The following NTRK3 variants were observed in gnomAD, a reference collection of about 807,000 sequenced individuals.
The protein encoded by NTRK3 is neurotrophic receptor tyrosine kinase 3.
Under a neutral mutation model 91.7 loss-of-function variants are expected in NTRK3, and 24 were observed. That is an observed-to-expected ratio of 0.26 (90% CI 0.19 to 0.37). The LOEUF is 0.37. Ranked by LOEUF, NTRK3 falls within the 10% of genes least tolerant of loss-of-function variation. NTRK3 has a pLI of 1.00. For synonymous variants in NTRK3, 483 were observed against 404.0 expected (o/e 1.20, Z -2.34); for missense variants, 880 against 1,068.9 (o/e 0.82, Z 2.46).
chr15:87,889,084 G>C (rs77771131), intron 17 of NTRK3, among the ~76,000 whole-genome samples: 1 of 152,154 alleles, frequency 6.6e-6, no homozygotes, highest in Non-Finnish European at 1.5e-5. Flanking sequence ...ATGTGGCAGA[G>C]AGGGGACATG....
chr15:88,217,141 C>T (rs1455485816), intron 3 of NTRK3, among the ~76,000 whole-genome samples: 4 of 152,180 alleles, frequency 2.6e-5, no homozygotes, highest in African/African-American at 7.2e-5. Flanking sequence ...GATGTGGAGA[C>T]ATTAGGCTGC....
rs4034771 is a variant in NTRK3, at chr15:88,243,536, G to GCA, written c.248+12368_248+12369dup. 0.088 allele frequency among the ~76,000 whole-genome samples: 12,872 copies of GCA among 145,540 alleles called. 642 individuals are homozygous for GCA. The highest frequency in any genetic ancestry group is 0.13 in the South Asian group (573 of 4,524). On this transcript the variant is annotated intron_variant, in intron 3 of 18. Transcript: ENST00000394480. This position sits in a 1 kb window ranked among gnomAD's most constrained non-coding sequence, Gnocchi z 4.8. ...CACTTGATCCCATCCCCCATAGCATGCACACACACACACACACACACACAC... is the reference window on the plus strand; with the variant it reads ...CACTTGATCCCATCCCCCATAGCATGCACACACACACACACACACACACACAC...
chr15:87,900,009 C>G (rs1178076246), intron 17 of NTRK3, among the ~76,000 whole-genome samples: 2 of 152,138 alleles, frequency 1.3e-5, no homozygotes, highest in African/African-American at 4.8e-5. Context: ...CCCTTTAATT[C>G]TAAAGGAAGG....
intron 14 of NTRK3, among the ~76,000 whole-genome samples, chr15:87,972,005 T>C (rs942354601): frequency 4.6e-5 from 7 of 152,136 alleles, no homozygotes; most frequent in African/African-American, 1.4e-4. Context: ...AAGTAAGTGG[T>C]CTATCAGAAC....
intron 3 of NTRK3, among the ~76,000 whole-genome samples, chr15:88,184,612 T>C (rs1349812820): frequency 6.6e-6 from 1 of 152,256 alleles, no homozygotes; most frequent in African/African-American, 2.4e-5. Context: ...CCTGCTTGTC[T>C]TCCTAACTCA....
intron 6 of NTRK3, 81 bp from the exon 7 acceptor site, chr15:88,137,642 G>A (rs2042002877): frequency 6.9e-6 from 10 of 1,446,384 alleles, no homozygotes; most frequent in Admixed American, 1.9e-5. Context: ...GGACAAGGGG[G>A]ACCCGACCTG....
At chr15:87,917,340 T>C (rs1019744202) in intron 17 of NTRK3, among the ~76,000 whole-genome samples, 1 of 152,228 alleles carries the variant, frequency 6.6e-6, no homozygotes, top group Non-Finnish European at 1.5e-5. Context: ...TCCCAGAAGA[T>C]GCACTGGAAT....
In NTRK3 at chr15:88,255,706, C is replaced by T. The variant is rs1420264186; in HGVS notation, c.248+200G>A. ...GAGGCACACACACGCATAGCCGGAT[C>T]GCGCCTCGCCAGGGCCGGAGTCACC... On this transcript the variant is annotated intron_variant, in intron 3 of 18. Transcript: ENST00000394480. This position sits in a 1 kb window ranked among gnomAD's most constrained non-coding sequence, Gnocchi z 4.3. Among the ~76,000 whole-genome samples the T allele has an allele frequency of 1.3e-5, 2 of 152,170 alleles. No homozygotes were observed. The highest frequency in any genetic ancestry group is 2.1e-4 in the South Asian group (1 of 4,836).
exon 19 of NTRK3, chr15:87,869,795 G>C (rs1296520640): frequency 5.0e-6 from 1 of 201,668 alleles, no homozygotes; most frequent in African/African-American, 2.3e-5. Context: ...TTACATGCCA[G>C]GTAGCTATTA....
chr15:87,963,232 C>A (rs1449452275), intron 14 of NTRK3, among the ~76,000 whole-genome samples: 1 of 152,216 alleles, frequency 6.6e-6, no homozygotes, highest in Non-Finnish European at 1.5e-5. Context: ...AGGGCTGCCA[C>A]TGAGCCATCT....
intron 14 of NTRK3, among the ~76,000 whole-genome samples, chr15:88,007,091 C>T (rs1184976517): frequency 6.6e-6 from 1 of 152,090 alleles, no homozygotes; most frequent in Non-Finnish European, 1.5e-5. Context: ...AGACATGACC[C>T]CCGGCCTCCA....
chr15:87,947,361 C>T (rs1386367224), intron 14 of NTRK3, among the ~76,000 whole-genome samples: 2 of 152,008 alleles, frequency 1.3e-5, no homozygotes, highest in Non-Finnish European at 2.9e-5. Flanking sequence ...CAGCCCCCTT[C>T]AACCCCTGCA....
chr15:88,232,167 A>C lies in NTRK3; in HGVS notation c.248+23739T>G, dbSNP rs539750547. On this transcript the variant is annotated intron_variant, in intron 3 of 18. Transcript: ENST00000394480. Reference sequence around the variant, plus strand: ...GCTGTGTGCTGCACCTTCCGCCTGAAATGTCCTGCCTCACCTCCCTCTCTA... The same window carrying C: ...GCTGTGTGCTGCACCTTCCGCCTGACATGTCCTGCCTCACCTCCCTCTCTA... 9.0e-4 allele frequency among the ~76,000 whole-genome samples: 136 copies of C among 151,936 alleles called. 1 individual carries two copies. The highest frequency in any genetic ancestry group is 3.2e-3 in the African/African-American group (131 of 41,388).
intron 5 of NTRK3, among the ~76,000 whole-genome samples, chr15:88,176,046 G>A (rs567665358): frequency 6.6e-6 from 1 of 151,906 alleles, no homozygotes; most frequent in Admixed American, 6.5e-5. Flanking sequence ...CCTCAGCAGG[G>A]TGATACTGCG....
chr15:88,115,905 A>C (rs1182401191), intron 13 of NTRK3, among the ~76,000 whole-genome samples: 1 of 152,044 alleles, frequency 6.6e-6, no homozygotes, highest in Non-Finnish European at 1.5e-5. Context: ...GGGGCCTGCC[A>C]GCACAAGCTT....
At chr15:88,103,266 A>G (rs144637683) in intron 13 of NTRK3, among the ~76,000 whole-genome samples, 155 of 152,292 alleles carry the variant, frequency 1.0e-3, no homozygotes, top group African/African-American at 3.2e-3. Flanking sequence ...GCCTCATCCA[A>G]TCACTTGAAG....
At chr15:87,940,874 C>G (rs2069769448) in intron 14 of NTRK3, 121 bp from the exon 15 acceptor site, 1 of 1,285,302 alleles carries the variant, frequency 7.8e-7, no homozygotes, top group East Asian at 2.3e-5. Flanking sequence ...CAGGCAAAGG[C>G]AAACTCTAGC....
At chr15:88,113,907 AC>A (rs2051736250) in intron 13 of NTRK3, among the ~76,000 whole-genome samples, 1 of 152,158 alleles carries the variant, frequency 6.6e-6, no homozygotes, top group African/African-American at 2.4e-5. Context: ...TGGCAGTATG[AC>A]CACCCAGCCT....
chr15:88,137,082 C>T (rs991742555), intron 7 of NTRK3, among the ~76,000 whole-genome samples: 1 of 152,146 alleles, frequency 6.6e-6, no homozygotes, highest in African/African-American at 2.4e-5. Flanking sequence ...AATCCAGAGA[C>T]CACATTTTGA....
Sources: allele counts gnomAD v4.1 joint callset (sites outside exome capture counted in the v4.1 genomes callset), GRCh38; gene constraint gnomAD v4.1.1; non-coding constraint Gnocchi (gnomAD v3.1); transcripts MANE v1.5; gene names NCBI Gene and HGNC (gene_info 2026-07-23, HGNC 2026-07-21).